Variants in WAPL observed in about 807,000 individuals in gnomAD.
The protein encoded by WAPL is wings apart-like protein homolog.
Under a neutral mutation model 121.0 loss-of-function variants are expected in WAPL, and 5 were observed. The observed-to-expected ratio is 0.04, with a 90% CI of 0.02 to 0.09. The LOEUF is 0.09. Ranked by LOEUF, WAPL falls within the 10% of genes least tolerant of loss-of-function variation. The pLI is 1.00. For missense variants in WAPL, 999 were observed against 1,410.8 expected, an observed-to-expected ratio of 0.71 and a Z score of 4.68; for synonymous variants, 480 against 481.5, an observed-to-expected ratio of 1.00 and a Z score of 0.04.
At chr10:86,487,924 A>G (rs551350569) in intron 4 of WAPL, among the ~76,000 whole-genome samples, 158 of 152,186 alleles carry the variant, frequency 1.0e-3, no homozygotes, top group African/African-American at 3.4e-3. Context: ...AAAAAGAGTT[A>G]ATGCTTTCTA....
At position 86,521,579 on chromosome 10, in the gene WAPL, G is replaced by A. The variant is rs770123845; in HGVS notation, c.-237C>T. 7.0e-6 allele frequency: 3 copies of A among 427,436 alleles called. No homozygotes were observed. The highest frequency in any genetic ancestry group is 3.0e-5 in the Admixed American group (1 of 33,878). The allele number at this position is 427,436 out of a possible 1,614,324, so 26.5% of individuals were successfully genotyped here. ...TTCCCTCCCCGCCTCGAGCGCCGCCGGCCGGGCCCAGGCCTAGCTCTCGCT... is the reference window on the plus strand; with the variant it reads ...TTCCCTCCCCGCCTCGAGCGCCGCCAGCCGGGCCCAGGCCTAGCTCTCGCT... On this transcript the variant is annotated 5_prime_UTR_variant, in exon 1 of 19. Coordinates refer to ENST00000298767, the MANE Select transcript of WAPL (RefSeq NM_015045.5).
intron 2 of WAPL, among the ~76,000 whole-genome samples, chr10:86,501,733 T>C (rs2132222405): frequency 6.6e-6 from 1 of 152,304 alleles, no homozygotes; most frequent in South Asian, 2.1e-4. Flanking sequence ...TGGAATACAG[T>C]GGTGTGATCA....
intron 2 of WAPL, among the ~76,000 whole-genome samples, chr10:86,506,833 C>T (rs1239359562): frequency 2.6e-5 from 4 of 151,938 alleles, no homozygotes; most frequent in Admixed American, 1.3e-4. Context: ...CTTTCTACCA[C>T]TTCTTTGCCC....
At chr10:86,514,605 C>T (rs969149625) in intron 2 of WAPL, among the ~76,000 whole-genome samples, 6 of 152,156 alleles carry the variant, frequency 3.9e-5, no homozygotes, top group African/African-American at 1.2e-4. Flanking sequence ...AGTCAGTCCA[C>T]AGTATCAGCA....
rs1246007243 is a variant in WAPL, at chr10:86,462,104, T to G, written c.2371-817A>C. On this transcript the variant is annotated intron_variant, in intron 9 of 18. Transcript: ENST00000298767. ...CCTGAGTAAAGTTTTTATTGCCCTTTATTTCACTTTGGCTGTTGTTTTTCT... is the reference window on the plus strand; with the variant it reads ...CCTGAGTAAAGTTTTTATTGCCCTTGATTTCACTTTGGCTGTTGTTTTTCT... Among the ~76,000 whole-genome samples, 6 of 152,224 alleles carry G rather than the reference T, an allele frequency of 3.9e-5. No individual in the cohort carries two copies. In the East Asian group the frequency reaches 1.2e-3, roughly 29 times the overall value.
At chr10:86,517,411 T>C (rs1196229646) in intron 2 of WAPL, among the ~76,000 whole-genome samples, 160 bp downstream of exon 2, 1 of 152,246 alleles carries the variant, frequency 6.6e-6, no homozygotes, top group South Asian at 2.1e-4. Context: ...TCCAACTGGT[T>C]TCTTTAAAGT....
intron 4 of WAPL, among the ~76,000 whole-genome samples, chr10:86,495,934 A>AT (rs1439673774): frequency 6.6e-6 from 1 of 152,132 alleles, no homozygotes; most frequent in Non-Finnish European, 1.5e-5. Flanking sequence ...GACAAACATG[A>AT]TGAAACCCCA....
In WAPL at chr10:86,497,283, G is replaced by A. The variant is rs771361445; in HGVS notation, c.1562C>T (p.Pro521Leu). The A allele has an allele frequency of 6.2e-7, 1 of 1,612,208 alleles. No homozygotes were observed. Among genetic ancestry groups the A allele is most frequent in the South Asian group, 1.1e-5 (1 of 90,394 alleles). Residue 521 changes from proline (P) to leucine (L), a missense_variant, in exon 4 of 19, where the codon CCT becomes CTT. Transcript: ENST00000298767. ...LDFTEDLPGV[P>L]ESVKKPINKQ... Reference sequence around the variant, plus strand: ...ATTTATGGGCTTCTTCACACTTTCAGGCACACCAGGCAAGTCCTCTGTAAA... The same window carrying A: ...ATTTATGGGCTTCTTCACACTTTCAAGCACACCAGGCAAGTCCTCTGTAAA...
At chr10:86,439,660 G>A (rs892271103) in intron 17 of WAPL, among the ~76,000 whole-genome samples, 1 of 152,208 alleles carries the variant, frequency 6.6e-6, no homozygotes, top group African/African-American at 2.4e-5. Flanking sequence ...TTAAGTCCAG[G>A]GTCTTGCAAC....
chr10:86,468,809 A>G (rs117785558), intron 8 of WAPL, among the ~76,000 whole-genome samples: 8,111 of 151,976 alleles, frequency 0.053, 319 homozygotes, highest in Non-Finnish European at 0.084. Context: ...TTAAAAATAC[A>G]AAAAAATTAG....
chr10:86,515,079 G>A (rs1245012513), intron 2 of WAPL, among the ~76,000 whole-genome samples: 1 of 152,036 alleles, frequency 6.6e-6, no homozygotes, highest in Non-Finnish European at 1.5e-5. Flanking sequence ...GGCCAACATG[G>A]TGAAACGCCG....
chr10:86,494,834 T>C (rs1005718983), intron 4 of WAPL, among the ~76,000 whole-genome samples: 8 of 152,214 alleles, frequency 5.3e-5, no homozygotes, highest in African/African-American at 1.9e-4. Flanking sequence ...CTCCCATTTC[T>C]TGAGTTTTGG....
At chr10:86,444,367 AATGT>A (rs1450792280) in intron 16 of WAPL, among the ~76,000 whole-genome samples, 2 of 152,202 alleles carry the variant, frequency 1.3e-5, no homozygotes, top group African/African-American at 4.8e-5. Context: ...AAGAAATGAA[AATGT>A]ATGTCTACAA....
chr10:86,504,069 G>A (rs1391365959), intron 2 of WAPL, among the ~76,000 whole-genome samples: 1 of 151,954 alleles, frequency 6.6e-6, no homozygotes, highest in Admixed American at 6.5e-5. Context: ...CGCTACTTGG[G>A]AGGCTGAGGC....
chr10:86,512,254 T>C (rs1370655818), intron 2 of WAPL, among the ~76,000 whole-genome samples: 2 of 152,188 alleles, frequency 1.3e-5, no homozygotes, highest in East Asian at 1.9e-4. Flanking sequence ...CCCTCTAACT[T>C]ACACAAATAC....
intron 12 of WAPL, among the ~76,000 whole-genome samples, chr10:86,455,390 C>T (rs941804072): frequency 2.0e-5 from 3 of 152,136 alleles, no homozygotes; most frequent in Admixed American, 1.3e-4. Context: ...CCCCCAACCC[C>T]GTGCTCTCTG....
chr10:86,520,235 C>A (rs1398194068), intron 1 of WAPL, among the ~76,000 whole-genome samples: 1 of 152,126 alleles, frequency 6.6e-6, no homozygotes, highest in Non-Finnish European at 1.5e-5. Context: ...GCGGAGGTTG[C>A]GGTGAGCTGA....
chr10:86,461,304 T>TC lies in WAPL; in HGVS notation c.2371-18dup, dbSNP rs1841267119. 1 of 1,576,628 alleles carries TC rather than the reference T, an allele frequency of 6.3e-7. No homozygotes were observed. ...ATGCCCAGTCTAAAAACCAGAAGCA[T>TC]CATTAATGAATATCAACTTTTAGCA... On this transcript the variant is annotated splice_polypyrimidine_tract_variant and intron_variant, in intron 9 of 18. Coordinates refer to ENST00000298767, the MANE Select transcript of WAPL (RefSeq NM_015045.5).
chr10:86,516,990 G>A (rs1026694044), intron 2 of WAPL, among the ~76,000 whole-genome samples: 1 of 152,044 alleles, frequency 6.6e-6, no homozygotes, highest in Non-Finnish European at 1.5e-5. Flanking sequence ...GGCTGAGGCA[G>A]GAAAATGGCA....
Sources: gnomAD v4.1 joint callset for allele counts (sites outside exome capture counted in the v4.1 genomes callset) on GRCh38, gnomAD v4.1.1 for gene constraint, MANE v1.5 for transcripts, NCBI Gene and HGNC (gene_info 2026-07-23, HGNC 2026-07-21) for gene names.